The following RICTOR variants were observed in gnomAD, a reference collection of about 807,000 sequenced individuals.
The protein encoded by RICTOR is RPTOR independent companion of MTOR complex 2, also known as rapamycin-insensitive companion of mTOR.
A neutral mutation model predicts 214.9 loss-of-function variants in RICTOR; 49 were observed. The observed-to-expected ratio is 0.23, with a 90% CI of 0.18 to 0.29. The LOEUF is 0.29. Among genes scored for constraint, RICTOR ranks in the 10% least tolerant of loss-of-function variants. The probability of loss-of-function intolerance (pLI) is 1.00; values close to 1 mark genes in which losing one functional copy is unlikely to be tolerated. For missense variants in RICTOR, 1,625 were observed against 2,047.0 expected, an observed-to-expected ratio of 0.79 and a Z score of 3.98; for synonymous variants, 717 against 711.3, an observed-to-expected ratio of 1.01 and a Z score of -0.13.
intron 3 of RICTOR, among the ~76,000 whole-genome samples, chr5:39,020,364 G>A (rs986159450): frequency 6.6e-6 from 1 of 152,132 alleles, no homozygotes; most frequent in African/African-American, 2.4e-5. Context: ...CTTCATTGCT[G>A]TCTTATTTAA....
At chr5:39,007,805 AAT>A (rs1433179669) in intron 3 of RICTOR, among the ~76,000 whole-genome samples, 3 of 150,682 alleles carry the variant, frequency 2.0e-5, no homozygotes, top group African/African-American at 4.8e-5. Flanking sequence ...TATTTCAGAA[AAT>A]AGTTTTAAAT....
At chr5:38,995,537 C>A (rs1048827341) in intron 6 of RICTOR, among the ~76,000 whole-genome samples, 1 of 151,838 alleles carries the variant, frequency 6.6e-6, no homozygotes, top group Non-Finnish European at 1.5e-5. Flanking sequence ...TAACCAAAAA[C>A]CACCTGTACC....
At chr5:39,065,309 C>T (rs1452008999) in intron 2 of RICTOR, among the ~76,000 whole-genome samples, 1 of 152,120 alleles carries the variant, frequency 6.6e-6, no homozygotes, top group East Asian at 1.9e-4. Flanking sequence ...TTGTGAAAAC[C>T]TACTATCACG....
chr5:38,993,374 A>C (rs915363579), intron 6 of RICTOR, among the ~76,000 whole-genome samples: 5 of 152,146 alleles, frequency 3.3e-5, no homozygotes, highest in Non-Finnish European at 5.9e-5. Context: ...AAGATTAAGA[A>C]AAGAATAGTA....
chr5:38,994,451 A>AG lies in RICTOR; in HGVS notation c.456+2367_456+2368insC, dbSNP rs1554068971. Among the ~76,000 whole-genome samples the AG allele has an allele frequency of 1.4e-3, 138 of 101,544 alleles. 24 individuals are homozygous for AG. The highest frequency in any genetic ancestry group is 2.2e-3 in the Non-Finnish European group (117 of 52,052). The allele number at this position is 101,544 out of a possible 152,430, so 66.6% of individuals were successfully genotyped here. On this transcript the variant is annotated intron_variant, in intron 6 of 37. Coordinates refer to ENST00000357387, the MANE Select transcript of RICTOR (RefSeq NM_152756.5). ...AAAAAAAAAAAAAAAAAAAAAAAAA[A>AG]AGTGCTTCAGATGCCAAAAGCACTA... is the stretch of plus-strand genomic sequence containing the variant.
chr5:39,035,992 G>C (rs1756660064), intron 2 of RICTOR, among the ~76,000 whole-genome samples: 1 of 152,124 alleles, frequency 6.6e-6, no homozygotes, highest in South Asian at 2.1e-4. Flanking sequence ...CTCGAGAAGA[G>C]CAACTCCAAG....
chr5:38,966,168 A>T (rs1750198833), intron 15 of RICTOR, among the ~76,000 whole-genome samples: 2 of 152,252 alleles, frequency 1.3e-5, no homozygotes, highest in South Asian at 4.1e-4. Context: ...ACAAGTTTAT[A>T]GAAAAGACTA....
At chr5:38,983,771 G>A (rs1751921347) in intron 7 of RICTOR, among the ~76,000 whole-genome samples, 1 of 152,032 alleles carries the variant, frequency 6.6e-6, no homozygotes, top group Admixed American at 6.5e-5. Flanking sequence ...AGACATCCTG[G>A]CCAACATGGT....
rs1747399663 is a variant in RICTOR, at chr5:38,940,154, A to ACC, written c.*2149_*2150insGG. Reference sequence around the variant, plus strand: ...GTAAAAAAAAAAAACAAAAAAAAAAACACAAAACATTCAGGCCAATACTAA... The same window carrying ACC: ...GTAAAAAAAAAAAACAAAAAAAAAAACCCACAAAACATTCAGGCCAATACTAA... On this transcript the variant is annotated 3_prime_UTR_variant, in exon 38 of 38. Transcript: ENST00000357387. 1.4e-5 allele frequency: 3 copies of ACC among 221,056 alleles called. No homozygotes were observed. The highest frequency in any genetic ancestry group is 7.3e-5 in the African/African-American group (3 of 41,320). The allele number at this position is 221,056 out of a possible 1,614,324, so 13.7% of individuals were successfully genotyped here. A position where few individuals can be genotyped will look rare whatever the true frequency, so the allele number is the denominator to read the frequency against.
intron 3 of RICTOR, among the ~76,000 whole-genome samples, chr5:39,005,880 T>C (rs1754015249): frequency 6.6e-6 from 1 of 152,210 alleles, no homozygotes; most frequent in South Asian, 2.1e-4. Context: ...AAGCTTATTG[T>C]TAAGAAAACT....
intron 2 of RICTOR, among the ~76,000 whole-genome samples, chr5:39,043,483 G>A (rs1757299233): frequency 6.6e-6 from 1 of 152,134 alleles, no homozygotes; most frequent in African/African-American, 2.4e-5. Context: ...GAGAAATAGA[G>A]AAAGACTGGT....
chr5:39,025,548 C>G (rs749734236), intron 2 of RICTOR, among the ~76,000 whole-genome samples: 2 of 152,130 alleles, frequency 1.3e-5, no homozygotes, highest in Non-Finnish European at 2.9e-5. Flanking sequence ...ATAATGGAGA[C>G]CGAATGGCTT....
chr5:38,972,840 C>T (rs1239656049), intron 10 of RICTOR, among the ~76,000 whole-genome samples: 1 of 143,586 alleles, frequency 7.0e-6, no homozygotes, highest in East Asian at 2.0e-4. Context: ...GATAAAGGAG[C>T]TTTGAATAGT....
intron 16 of RICTOR, among the ~76,000 whole-genome samples, chr5:38,963,589 C>G (rs925250652): frequency 6.6e-6 from 1 of 151,916 alleles, no homozygotes; most frequent in Non-Finnish European, 1.5e-5. Flanking sequence ...AATTTGGTAG[C>G]AAGTCTCACC....
At chr5:38,975,497 T>A in intron 10 of RICTOR, 40 bp downstream of exon 10, 1 of 1,403,804 alleles carries the variant, frequency 7.1e-7, no homozygotes, top group East Asian at 2.3e-5. Flanking sequence ...CAGTCTAGTT[T>A]TTCTTCTTGG....
chr5:38,942,683 T>C (rs1056980996), intron 37 of RICTOR, 150 bp downstream of exon 37: 1 of 614,872 alleles, frequency 1.6e-6, no homozygotes, highest in Non-Finnish European at 2.8e-6. Context: ...CTTGAATTCC[T>C]GGGCTCAAGC....
chr5:39,045,749 C>T (rs185702088), intron 2 of RICTOR, among the ~76,000 whole-genome samples: 1 of 152,100 alleles, frequency 6.6e-6, no homozygotes, highest in African/African-American at 2.4e-5. Flanking sequence ...GTCTATAGTT[C>T]AGATCATTTG....
At chr5:38,965,062 C>T (rs1750105884) in intron 15 of RICTOR, among the ~76,000 whole-genome samples, 170 bp from the exon 16 acceptor site, 1 of 151,904 alleles carries the variant, frequency 6.6e-6, no homozygotes, top group Admixed American at 6.6e-5. Context: ...TTTATCATAT[C>T]TATAATACTT....
intron 11 of RICTOR, chr5:38,970,414 G>A (rs1192082661): frequency 6.6e-6 from 1 of 152,096 alleles, no homozygotes; most frequent in African/African-American, 2.4e-5. Context: ...TAAAACCAGA[G>A]GTTAAACTCC....
Sources: allele counts gnomAD v4.1 joint callset (sites outside exome capture counted in the v4.1 genomes callset), GRCh38; gene constraint gnomAD v4.1.1; transcripts MANE v1.5; gene names NCBI Gene and HGNC (gene_info 2026-07-23, HGNC 2026-07-21).